The following RDM1 variants were observed in gnomAD, a reference collection of about 807,000 sequenced individuals.
RDM1 encodes RAD52 motif-containing protein 1.
RDM1 carries 28 observed loss-of-function variants against 27.7 expected under a neutral mutation model. The ratio of observed to expected loss-of-function variants is 1.01; its 90% CI spans 0.75 to 1.39. The LOEUF (loss-of-function observed/expected upper bound fraction) is 1.39. RDM1 is among the 40% of genes most tolerant of loss of function. The pLI, the probability that RDM1 is intolerant of heterozygous loss-of-function variation, is 0.00. For synonymous variants in RDM1, 124 were observed against 127.5 expected, an observed-to-expected ratio of 0.97 and a Z score of 0.19; for missense variants, 277 against 337.3, an observed-to-expected ratio of 0.82 and a Z score of 1.40.
intron 5 of RDM1, among the ~76,000 whole-genome samples, chr17:35,920,819 T>C (rs1362749181): frequency 2.0e-5 from 3 of 152,118 alleles, no homozygotes; most frequent in Non-Finnish European, 4.4e-5. Context: ...GACTTTATGA[T>C]CTTACAGATA....
At chr17:35,929,337 T>C (rs2089249363) in intron 2 of RDM1, among the ~76,000 whole-genome samples, 1 of 152,206 alleles carries the variant, frequency 6.6e-6, no homozygotes, top group Admixed American at 6.5e-5. Context: ...TATTGCTCAC[T>C]GCATCCTCAA....
chr17:35,930,124 G>T lies in RDM1; in HGVS notation c.228C>A (p.Ala76=), dbSNP rs1450464694. ...GCTGCTTCCGGTCGCATGCCTTTTG[G>T]GCTCTGTGGGCAGCCCTTGCAGAAT... ...KFYSARAAHR[A]QKACDRKQLF... The change falls in exon 2 of 7, where the codon GCC becomes GCA. Residue 76 remains alanine (A), a synonymous_variant. Transcript: ENST00000620284. 1 of 1,614,034 alleles carries T rather than the reference G, an allele frequency of 6.2e-7. No homozygotes were observed. Among genetic ancestry groups the T allele is most frequent in the Non-Finnish European group, 8.5e-7 (1 of 1,180,050 alleles).
Position 35,918,459 on chromosome 17 carries a change from T to G in RDM1, c.754-16A>C. ...AGCAAGGGACCTGCAAAATGTGCGC[T>G]AGTTAGGGTGGCAGGCAGAACGCAC... On this transcript the variant is annotated splice_polypyrimidine_tract_variant and intron_variant, in intron 6 of 6. Coordinates refer to ENST00000620284, the MANE Select transcript of RDM1 (RefSeq NM_145654.4). 6 of 1,595,382 alleles carry G rather than the reference T, an allele frequency of 3.8e-6. No individual in the cohort carries two copies. Among genetic ancestry groups the G allele is most frequent in the Non-Finnish European group, 5.2e-6 (6 of 1,163,136 alleles).
intron 1 of RDM1, 49 bp downstream of exon 1, chr17:35,930,583 C>A: frequency 6.5e-7 from 1 of 1,543,110 alleles, no homozygotes; most frequent in Non-Finnish European, 8.9e-7. Flanking sequence ...TCCCAGTCAG[C>A]GGGTGGGCAG....
intron 4 of RDM1, among the ~76,000 whole-genome samples, chr17:35,923,868 C>G (rs1227796650): frequency 6.6e-6 from 1 of 151,966 alleles, no homozygotes; most frequent in Non-Finnish European, 1.5e-5. Context: ...CTGCTGAAAC[C>G]CTTTTATGAG....
chr17:35,926,236 CTGAG>C (rs1035537653), intron 2 of RDM1, among the ~76,000 whole-genome samples: 4 of 151,978 alleles, frequency 2.6e-5, no homozygotes, highest in Admixed American at 1.3e-4. Flanking sequence ...CAAATATCTA[CTGAG>C]TGTTAATTCT....
intron 2 of RDM1, among the ~76,000 whole-genome samples, chr17:35,926,853 A>G (rs1300511654): frequency 6.6e-6 from 1 of 152,184 alleles, no homozygotes; most frequent in African/African-American, 2.4e-5. Flanking sequence ...CAGATGATCT[A>G]TCGATTGAAT....
At chr17:35,921,903 A>C (rs1419128820) in intron 5 of RDM1, among the ~76,000 whole-genome samples, 2 of 150,480 alleles carry the variant, frequency 1.3e-5, no homozygotes, top group African/African-American at 4.9e-5. Context: ...AAGACCTAAA[A>C]TTGCATTAAA....
chr17:35,921,104 C>T (rs2088930356), intron 5 of RDM1, among the ~76,000 whole-genome samples: 1 of 152,218 alleles, frequency 6.6e-6, no homozygotes, highest in Non-Finnish European at 1.5e-5. Flanking sequence ...GACACAGGCT[C>T]ACATACCCTT....
At chr17:35,929,762 A>G (rs2089263631) in intron 2 of RDM1, among the ~76,000 whole-genome samples, 1 of 152,122 alleles carries the variant, frequency 6.6e-6, no homozygotes, top group African/African-American at 2.4e-5. Context: ...AATTTTTTTT[A>G]TAGAGATGGG....
Position 35,922,614 on chromosome 17 carries a change from C to A in RDM1, c.630G>T (p.Leu210Phe). Reference protein sequence around the residue: ...TAQKLAIQKALSDAFQKLLIV... With the variant: ...TAQKLAIQKAFSDAFQKLLIV... ...TCAACAGTTTCTGGAATGCATCTGA[C>A]AAAGCCTTCTGAATAGCAAGCTTCT... The change falls in exon 5 of 7, where the codon TTG becomes TTT. Residue 210 changes from leucine (L) to phenylalanine (F), a missense_variant. Coordinates refer to ENST00000620284, the MANE Select transcript of RDM1 (RefSeq NM_145654.4). 1 of 1,611,818 alleles carries A rather than the reference C, an allele frequency of 6.2e-7. No individual in the cohort carries two copies.
intron 2 of RDM1, among the ~76,000 whole-genome samples, chr17:35,928,635 G>A (rs1470024423): frequency 6.6e-6 from 1 of 151,978 alleles, no homozygotes; most frequent in Non-Finnish European, 1.5e-5. Flanking sequence ...GGTGGTGCAT[G>A]CCTGTAATCC....
chr17:35,930,591 C>G, intron 1 of RDM1, 41 bp downstream of exon 1: 1 of 1,572,758 alleles, frequency 6.4e-7, no homozygotes, highest in Non-Finnish European at 8.7e-7. Context: ...AGCGGGTGGG[C>G]AGCTTTCTCC....
intron 3 of RDM1, 80 bp downstream of exon 3, chr17:35,925,435 T>G: frequency 3.9e-6 from 6 of 1,526,304 alleles, no homozygotes; most frequent in Non-Finnish European, 5.4e-6. Flanking sequence ...TACAATCCAG[T>G]TCAATACTTC....
intron 5 of RDM1, 34 bp from the exon 6 acceptor site, chr17:35,920,306 CT>C: frequency 8.9e-7 from 1 of 1,118,122 alleles, no homozygotes; most frequent in Non-Finnish European, 1.3e-6. Context: ...AATTCAGAAT[CT>C]TTTTCATTCT....
At position 35,930,529 on chromosome 17, in the gene RDM1, G is replaced by A. The variant is rs1422581461; in HGVS notation, c.96+103C>T. On this transcript the variant is annotated intron_variant, in intron 1 of 6. Coordinates refer to ENST00000620284, the MANE Select transcript of RDM1 (RefSeq NM_145654.4). ...CCCCTTTATAATTAAGAGTCCTTCA[G>A]CGGAGGCTCAGGCAGGTGAGGGTCT... 2.7e-6 allele frequency: 3 copies of A among 1,129,114 alleles called. No individual in the cohort carries two copies. The African/African-American group carries it at 4.7e-5, about 18-fold the overall frequency. The allele number at this position is 1,129,114 out of a possible 1,614,324, so 69.9% of individuals were successfully genotyped here.
chr17:35,923,030 G>T (rs903175445), intron 4 of RDM1, among the ~76,000 whole-genome samples: 1 of 152,174 alleles, frequency 6.6e-6, no homozygotes, highest in South Asian at 2.1e-4. Flanking sequence ...AAAAGGTTTG[G>T]TTGGCTGGAC....
In RDM1 at chr17:35,930,083, G is replaced by C; in HGVS notation, c.269C>G (p.Pro90Arg). 1 of 1,613,306 alleles carries C rather than the reference G, an allele frequency of 6.2e-7. No individual in the cohort carries two copies. The highest frequency in any genetic ancestry group is 1.1e-5 in the South Asian group (1 of 91,020). The change falls in exon 2 of 7, where the codon CCA (proline) becomes CGA (arginine). Residue 90 changes from proline to arginine, a missense_variant. Physicochemically the swap from Pro to Arg is moderately radical, Grantham distance 103. Transcript: ENST00000620284. ...CDRKQLFQKS[P>R]VKVRLGTRHK... is the part of the protein sequence containing the mutation. ...TTCCATATTTGGACCCACCTTGACTGGAGATTTCTGAAAAAGCTGCTTCCG... is the reference window on the plus strand; with the variant it reads ...TTCCATATTTGGACCCACCTTGACTCGAGATTTCTGAAAAAGCTGCTTCCG...
At chr17:35,930,020 T>TTATTGA in intron 2 of RDM1, 56 bp downstream of exon 2, 1 of 1,459,210 alleles carries the variant, frequency 6.9e-7, no homozygotes, top group Non-Finnish European at 9.5e-7. Flanking sequence ...TGCTAACCTA[T>TTATTGA]TATTGAATTC....
Sources: gnomAD v4.1 joint callset for allele counts (sites outside exome capture counted in the v4.1 genomes callset) on GRCh38, gnomAD v4.1.1 for gene constraint, MANE v1.5 for transcripts, NCBI Gene and HGNC (gene_info 2026-07-23, HGNC 2026-07-21) for gene names.